LINGO2: variants seen among roughly 807,000 people sequenced by gnomAD.
LINGO2 encodes the protein leucine rich repeat and Ig domain containing 2.
In LINGO2, 14 loss-of-function variants were observed where a neutral mutation model predicts 30.6. The observed-to-expected ratio is 0.46, with a 90% CI of 0.30 to 0.72. The LOEUF is 0.72. LINGO2 is among the 30% of genes least tolerant of loss of function. The pLI is 0.07. For missense variants in LINGO2, 729 were observed against 751.7 expected (o/e 0.97, Z 0.35); for synonymous variants, 317 against 288.5 (o/e 1.10, Z -1.00).
chr9:29,069,974 A>G, the LINGO2 span, among the ~76,000 whole-genome samples: 2 of 152,242 alleles, frequency 1.3e-5, no homozygotes, highest in East Asian at 3.9e-4. Context: ...TAAATAGATG[A>G]GATTAAAACA....
In LINGO2 at chr9:28,226,728, G is replaced by A. The variant is rs749229495; in HGVS notation, c.-87+68480C>T. 2.2e-4 allele frequency among the ~76,000 whole-genome samples: 33 copies of A among 151,260 alleles called. 1 individual carries two copies. In the South Asian group the frequency reaches 4.0e-3, roughly 18 times the overall value. On this transcript the variant is annotated intron_variant, in intron 4 of 5. Transcript: ENST00000379992. ...GAGAAAGAGAAAGAAAGAAAGAGAG[G>A]AAACTGCATATTATGATCCAGTGCA...
chr9:29,047,051 A>AAAAAAAC, the LINGO2 span, among the ~76,000 whole-genome samples: 5 of 106,908 alleles, frequency 4.7e-5, no homozygotes, highest in Non-Finnish European at 1.0e-4. Flanking sequence ...AAAAAAAAAA[A>AAAAAAAC]CCAAAAACAA....
chr9:28,124,353 ACTT>A (rs1361332055), intron 4 of LINGO2, among the ~76,000 whole-genome samples: 1 of 152,224 alleles, frequency 6.6e-6, no homozygotes, highest in Non-Finnish European at 1.5e-5. Flanking sequence ...GGACTAAACT[ACTT>A]CTCTTTACAG....
At chr9:28,542,956 C>T (rs780895552) in intron 1 of LINGO2, among the ~76,000 whole-genome samples, 7 of 152,128 alleles carry the variant, frequency 4.6e-5, no homozygotes, top group East Asian at 1.9e-4. Flanking sequence ...GAGCAGAACA[C>T]GACGTGTAGG....
the LINGO2 span, among the ~76,000 whole-genome samples, chr9:29,081,460 C>G: frequency 4.6e-5 from 7 of 152,158 alleles, no homozygotes; most frequent in Admixed American, 4.6e-4. Context: ...TTATGACAAA[C>G]CCACAGCCAA....
At chr9:28,946,317 A>G in the LINGO2 span, among the ~76,000 whole-genome samples, 1 of 152,180 alleles carries the variant, frequency 6.6e-6, no homozygotes, top group Non-Finnish European at 1.5e-5. Context: ...ATTTTAAAAA[A>G]ACTTTTAAAA....
At chr9:28,604,554 C>T (rs886282974) in intron 1 of LINGO2, among the ~76,000 whole-genome samples, 1 of 151,694 alleles carries the variant, frequency 6.6e-6, no homozygotes, top group African/African-American at 2.4e-5. Context: ...AGCTTGTTTC[C>T]AAAAGAGGAA....
intron 4 of LINGO2, among the ~76,000 whole-genome samples, chr9:28,276,737 G>C (rs1464916276): frequency 6.6e-6 from 1 of 152,122 alleles, no homozygotes; most frequent in African/African-American, 2.4e-5. Context: ...GCACCCTCCA[G>C]TTCCCAAAAC....
At chr9:28,360,331 T>C (rs1236243918) in intron 3 of LINGO2, among the ~76,000 whole-genome samples, 2 of 152,154 alleles carry the variant, frequency 1.3e-5, no homozygotes, top group East Asian at 1.9e-4. Context: ...GTAGAGGTAG[T>C]TGGGGATTAG....
chr9:29,079,671 A>T, the LINGO2 span, among the ~76,000 whole-genome samples: 1 of 151,980 alleles, frequency 6.6e-6, no homozygotes, highest in Non-Finnish European at 1.5e-5. Flanking sequence ...AAAGAGCTCC[A>T]TTGCCTACAG....
At chr9:29,098,235 G>C in the LINGO2 span, among the ~76,000 whole-genome samples, 1 of 152,280 alleles carries the variant, frequency 6.6e-6, no homozygotes, top group Non-Finnish European at 1.5e-5. Context: ...GCACTGAGGA[G>C]ATAGCAGCAA....
chr9:28,353,653 A>G (rs371536248), intron 3 of LINGO2, among the ~76,000 whole-genome samples: 8 of 152,118 alleles, frequency 5.3e-5, no homozygotes, highest in African/African-American at 1.7e-4. Flanking sequence ...CCATTACTGG[A>G]TATATACCCA....
In LINGO2 at chr9:28,005,357, T is replaced by C. The variant is rs140177009; in HGVS notation, c.-36+6998A>G. 7.9e-5 allele frequency among the ~76,000 whole-genome samples: 12 copies of C among 152,310 alleles called. No individual in the cohort carries two copies. In the East Asian group the frequency reaches 2.3e-3, roughly 29 times the overall value. On this transcript the variant is annotated intron_variant, in intron 5 of 5. Coordinates refer to ENST00000379992, the Ensembl canonical transcript of LINGO2. ...ACTGCTCTGGTGAGGATATCATATG[T>C]GATTCCCAACTTCTCTGAGATGATT...
intron 1 of LINGO2, among the ~76,000 whole-genome samples, chr9:28,518,717 T>A (rs1036800477): frequency 6.6e-6 from 1 of 152,220 alleles, no homozygotes; most frequent in Admixed American, 6.5e-5. Context: ...CAATTCAAAC[T>A]GGACAAAGTA....
intron 4 of LINGO2, among the ~76,000 whole-genome samples, chr9:28,042,131 A>G (rs1243478143): frequency 6.6e-6 from 1 of 152,226 alleles, no homozygotes; most frequent in Admixed American, 6.5e-5. Flanking sequence ...AGCTTAGTAC[A>G]ATTACAAATG....
intron 4 of LINGO2, among the ~76,000 whole-genome samples, chr9:28,134,222 C>A (rs1827452203): frequency 6.6e-6 from 1 of 152,064 alleles, no homozygotes; most frequent in Non-Finnish European, 1.5e-5. Flanking sequence ...CCCAAACAAC[C>A]CATTTTTCAC....
chr9:29,075,722 G>A, the LINGO2 span, among the ~76,000 whole-genome samples: 1 of 151,886 alleles, frequency 6.6e-6, no homozygotes, highest in Non-Finnish European at 1.5e-5. Flanking sequence ...AAGAGACAAG[G>A]GCCATATAAG....
At chr9:28,788,024 T>C in the LINGO2 span, among the ~76,000 whole-genome samples, 151,343 of 152,272 alleles carry the variant, frequency 0.99, 75,215 homozygotes, top group Middle Eastern at 1. Flanking sequence ...ATATTTTGTA[T>C]TTCTAGACCT....
the LINGO2 span, among the ~76,000 whole-genome samples, chr9:28,852,422 G>GAA: frequency 6.6e-6 from 1 of 151,962 alleles, no homozygotes; most frequent in South Asian, 2.1e-4. Context: ...GTTTAGAAGA[G>GAA]GCACCAAAAT....
Sources: gnomAD v4.1 joint callset for allele counts (sites outside exome capture counted in the v4.1 genomes callset) on GRCh38, gnomAD v4.1.1 for gene constraint, MANE v1.5 for transcripts, NCBI Gene and HGNC (gene_info 2026-07-23, HGNC 2026-07-21) for gene names.